The following CRTAM variants were observed in gnomAD, a reference collection of about 807,000 sequenced individuals.
The protein encoded by CRTAM is cytotoxic and regulatory T-cell molecule.
CRTAM carries 44 observed loss-of-function variants against 50.0 expected under a neutral mutation model. That is an observed-to-expected ratio of 0.88 (90% CI 0.69 to 1.13). CRTAM has a LOEUF of 1.13. CRTAM is among the 50% of genes most tolerant of loss of function. The pLI, the probability that CRTAM is intolerant of heterozygous loss-of-function variation, is 0.00. For synonymous variants in CRTAM, 159 were observed against 169.3 expected, an observed-to-expected ratio of 0.94 and a Z score of 0.47; for missense variants, 448 against 457.5, an observed-to-expected ratio of 0.98 and a Z score of 0.19.
intron 7 of CRTAM, 125 bp from the exon 8 acceptor site, chr11:122,867,284 C>T: frequency 2.5e-6 from 2 of 789,034 alleles, no homozygotes; most frequent in South Asian, 4.4e-5. Flanking sequence ...AGCTCTTTCT[C>T]ATCTCTTCAT....
chr11:122,858,017 G>A (rs1349878487), intron 5 of CRTAM, among the ~76,000 whole-genome samples: 2 of 151,982 alleles, frequency 1.3e-5, no homozygotes, highest in Non-Finnish European at 2.9e-5. Context: ...TTCACAATCA[G>A]TCCTCCCACC....
At chr11:122,857,723 G>A (rs994780019) in intron 5 of CRTAM, among the ~76,000 whole-genome samples, 2 of 152,108 alleles carry the variant, frequency 1.3e-5, no homozygotes, top group Non-Finnish European at 2.9e-5. Context: ...ACACATAAGG[G>A]TTCTGACCCC....
chr11:122,846,734 GA>G (rs1191008588), intron 1 of CRTAM, among the ~76,000 whole-genome samples: 3 of 152,144 alleles, frequency 2.0e-5, no homozygotes, highest in Admixed American at 6.5e-5. Flanking sequence ...GGTCCAAAAT[GA>G]AAAGAACTCA....
At position 122,848,123 on chromosome 11, in the gene CRTAM, C is replaced by T. The variant is rs192480039; in HGVS notation, c.47-1945C>T. Among the ~76,000 whole-genome samples, 639 of 152,302 alleles carry T rather than the reference C, an allele frequency of 4.2e-3. 2 individuals are homozygous for T. The highest frequency in any genetic ancestry group is 6.2e-3 in the Non-Finnish European group (424 of 68,024). ...AAGAACTGATGCGTGGGCCCCACCA[C>T]GAATTCCGAGTTAATTAGTAGTGAA... On this transcript the variant is annotated intron_variant, in intron 1 of 9. Coordinates refer to ENST00000227348, the MANE Select transcript of CRTAM (RefSeq NM_019604.4).
At position 122,862,551 on chromosome 11, in the gene CRTAM, G is replaced by A. The variant is rs1862100878; in HGVS notation, c.733+7G>A. ...CAGCAGCCCACCAGTACTGGTAAGT[G>A]TCAAAATCATTCAAACTTGTTTTTA... On this transcript the variant is annotated splice_region_variant and intron_variant, in intron 6 of 9. Coordinates refer to ENST00000227348, the MANE Select transcript of CRTAM (RefSeq NM_019604.4). The A allele has an allele frequency of 3.3e-6, 5 of 1,524,844 alleles. No homozygotes were observed. Among genetic ancestry groups the A allele is most frequent in the Non-Finnish European group, 4.5e-6 (5 of 1,113,760 alleles). The allele number at this position is 1,524,844 out of a possible 1,614,324, so 94.5% of individuals were successfully genotyped here. A position where few individuals can be genotyped will look rare whatever the true frequency, so the allele number is the denominator to read the frequency against.
At chr11:122,849,001 T>C (rs1235403475) in intron 1 of CRTAM, among the ~76,000 whole-genome samples, 1 of 152,158 alleles carries the variant, frequency 6.6e-6, no homozygotes, top group Non-Finnish European at 1.5e-5. Context: ...CATCATTCTC[T>C]GGGGGTTGTG....
At chr11:122,860,948 C>A (rs1039519940) in intron 5 of CRTAM, among the ~76,000 whole-genome samples, 1 of 152,164 alleles carries the variant, frequency 6.6e-6, no homozygotes, top group Non-Finnish European at 1.5e-5. Flanking sequence ...CTGCCTGCCT[C>A]GGCCCCCCAC....
At chr11:122,842,142 G>A (rs1223905103) in intron 1 of CRTAM, among the ~76,000 whole-genome samples, 5 of 152,206 alleles carry the variant, frequency 3.3e-5, no homozygotes, top group Admixed American at 2.0e-4. Flanking sequence ...GGAGTATCAC[G>A]ACATGGCAAA....
chr11:122,847,281 C>T (rs1364990697), intron 1 of CRTAM, among the ~76,000 whole-genome samples: 1 of 152,106 alleles, frequency 6.6e-6, no homozygotes, highest in African/African-American at 2.4e-5. Context: ...CATCATATGC[C>T]ACCCAGGTTA....
chr11:122,871,431 G>C lies in CRTAM; in HGVS notation c.*32G>C. The stretch of plus-strand genomic sequence containing the variant: ...CTGCAATGGAACATGTGATTTCAGG[G>C]TTGCCGCAGTGTCACCTCAGTGGAC... On this transcript the variant is annotated 3_prime_UTR_variant, in exon 10 of 10. Coordinates refer to ENST00000227348, the MANE Select transcript of CRTAM (RefSeq NM_019604.4). The C allele has an allele frequency of 6.3e-7, 1 of 1,592,712 alleles. No individual in the cohort carries two copies. Among genetic ancestry groups the C allele is most frequent in the South Asian group, 1.1e-5 (1 of 87,030 alleles).
chr11:122,864,836 G>T, intron 7 of CRTAM, 117 bp downstream of exon 7: 1 of 717,984 alleles, frequency 1.4e-6, no homozygotes, highest in Non-Finnish European at 2.4e-6. Context: ...TTTAGGACAT[G>T]ATTGGTTAAT....
chr11:122,856,467 T>C (rs1437757481), intron 5 of CRTAM, among the ~76,000 whole-genome samples: 2 of 152,248 alleles, frequency 1.3e-5, no homozygotes, highest in Non-Finnish European at 2.9e-5. Context: ...ATTTTAAAAC[T>C]GTACACAACT....
intron 1 of CRTAM, among the ~76,000 whole-genome samples, chr11:122,848,509 T>C (rs1454775255): frequency 6.6e-6 from 1 of 152,182 alleles, no homozygotes; most frequent in Admixed American, 6.6e-5. Context: ...GTTTTTCCAT[T>C]AGAACTCCAG....
chr11:122,843,894 G>A (rs1323492746), intron 1 of CRTAM, among the ~76,000 whole-genome samples: 1 of 152,172 alleles, frequency 6.6e-6, no homozygotes, highest in African/African-American at 2.4e-5. Flanking sequence ...AGCTGGGTGG[G>A]TCTGTGGCTT....
chr11:122,855,653 A>G, intron 4 of CRTAM, 42 bp from the exon 5 acceptor site: 4 of 1,584,772 alleles, frequency 2.5e-6, no homozygotes, highest in Non-Finnish European at 3.5e-6. Flanking sequence ...AACCTCATCC[A>G]GTAGCATTAA....
chr11:122,871,439 A>T lies in CRTAM; in HGVS notation c.*40A>T. On this transcript the variant is annotated 3_prime_UTR_variant, in exon 10 of 10. Transcript: ENST00000227348. Reference sequence around the variant, plus strand: ...GAACATGTGATTTCAGGGTTGCCGCAGTGTCACCTCAGTGGACCAGCCTGG... The same window carrying T: ...GAACATGTGATTTCAGGGTTGCCGCTGTGTCACCTCAGTGGACCAGCCTGG... The T allele has an allele frequency of 6.3e-7, 1 of 1,587,480 alleles. No individual in the cohort carries two copies. Among genetic ancestry groups the T allele is most frequent in the Middle Eastern group, 1.9e-4 (1 of 5,276 alleles).
At chr11:122,846,640 GTC>G (rs1447113196) in intron 1 of CRTAM, among the ~76,000 whole-genome samples, 1 of 149,740 alleles carries the variant, frequency 6.7e-6, no homozygotes, top group Non-Finnish European at 1.5e-5. Context: ...CTGTCTGTCT[GTC>G]TCTCTCTGTC....
chr11:122,847,168 G>A (rs368814263), intron 1 of CRTAM, among the ~76,000 whole-genome samples: 2 of 152,148 alleles, frequency 1.3e-5, no homozygotes, highest in East Asian at 1.9e-4. Context: ...TTTATGGTAA[G>A]GAAATTCACA....
chr11:122,858,240 T>A (rs187683489), intron 5 of CRTAM, among the ~76,000 whole-genome samples: 1 of 152,170 alleles, frequency 6.6e-6, no homozygotes, highest in Non-Finnish European at 1.5e-5. Flanking sequence ...TTTATTTCTT[T>A]TCTTGAGACG....
Sources: gnomAD v4.1 joint callset for allele counts (sites outside exome capture counted in the v4.1 genomes callset) on GRCh38, gnomAD v4.1.1 for gene constraint, MANE v1.5 for transcripts, NCBI Gene and HGNC (gene_info 2026-07-23, HGNC 2026-07-21) for gene names.